The following PARVG variants were observed in gnomAD, a reference collection of about 807,000 sequenced individuals.
The protein encoded by PARVG is parvin gamma, also known as gamma-parvin.
Under a neutral mutation model 44.4 loss-of-function variants are expected in PARVG, and 36 were observed. The ratio of observed to expected loss-of-function variants is 0.81; its 90% CI spans 0.62 to 1.07. The LOEUF (loss-of-function observed/expected upper bound fraction) is 1.07, where lower values mean the gene tolerates loss of function less well. Ranked by LOEUF, PARVG falls within the 50% of genes least tolerant of loss-of-function variation. The pLI, the probability that PARVG is intolerant of heterozygous loss-of-function variation, is 0.00. For synonymous variants in PARVG, 170 were observed against 174.1 expected, an observed-to-expected ratio of 0.98 and a Z score of 0.19; for missense variants, 407 against 407.4, an observed-to-expected ratio of 1.00 and a Z score of 0.01.
At chr22:44,204,106 A>G (rs972794416) in intron 12 of PARVG, among the ~76,000 whole-genome samples, 10 of 152,118 alleles carry the variant, frequency 6.6e-5, no homozygotes, top group Non-Finnish European at 1.3e-4. Flanking sequence ...TGGCCTCTCA[A>G]AGTGCTGGGA....
chr22:44,183,070 G>A (rs868182296), intron 2 of PARVG: 18 of 497,526 alleles, frequency 3.6e-5, no homozygotes, highest in Non-Finnish European at 6.0e-5. Context: ...CACTTCCTCC[G>A]CCAAGCCTTT....
intron 12 of PARVG, among the ~76,000 whole-genome samples, chr22:44,200,923 G>C (rs1016439633): frequency 6.6e-6 from 1 of 151,412 alleles, no homozygotes; most frequent in African/African-American, 2.4e-5. Context: ...CCTCTCCCCT[G>C]CTTCAAGTGG....
At chr22:44,205,946 G>A in intron 13 of PARVG, 117 bp downstream of exon 13, 1 of 1,240,490 alleles carries the variant, frequency 8.1e-7, no homozygotes, top group Non-Finnish European at 1.1e-6. Flanking sequence ...GAGTCCTCTT[G>A]CCTGGCAGGG....
chr22:44,183,840 A>T (rs1173714383), intron 3 of PARVG: 3 of 390,612 alleles, frequency 7.7e-6, no homozygotes, highest in Non-Finnish European at 1.4e-5. Flanking sequence ...GAGCCCAAGG[A>T]GGGTGGTCCC....
chr22:44,190,532 G>T lies in PARVG; in HGVS notation c.389-19G>T. On this transcript the variant is annotated intron_variant, in intron 6 of 13. Transcript: ENST00000444313. ...TTGGCGGCCTCCTGGGCTCTGACCT[G>T]TCTCCACTCTCTTCCCAGGCATCTT... 6.2e-7 allele frequency: 1 copy of T among 1,601,990 alleles called. No homozygotes were observed.
chr22:44,195,589 G>T (rs924296284), intron 9 of PARVG, among the ~76,000 whole-genome samples: 2 of 152,264 alleles, frequency 1.3e-5, no homozygotes, highest in African/African-American at 4.8e-5. Context: ...GAGTGACTGA[G>T]TTGCTGAAGA....
chr22:44,191,388 ATTTTTTTTTTTTTTTTT>A (rs35954868), intron 7 of PARVG, among the ~76,000 whole-genome samples: 1 of 63,470 alleles, frequency 1.6e-5, no homozygotes, highest in Non-Finnish European at 2.8e-5. Context: ...AGTCATTTCT[ATTTTTTTTTTTTTTTTT>A]TTTTTTTTTT....
intron 12 of PARVG, among the ~76,000 whole-genome samples, chr22:44,198,961 T>TCCATCCATCCACCCACCCACCCAC (rs1569186535): frequency 1.4e-5 from 1 of 73,564 alleles, no homozygotes; most frequent in Non-Finnish European, 3.5e-5. Context: ...CATCCATCCA[T>TCCATCCATCCACCCACCCACCCAC]CCATCCATCC....
chr22:44,193,374 A>G (rs911502381), intron 8 of PARVG, among the ~76,000 whole-genome samples: 15 of 152,206 alleles, frequency 9.9e-5, no homozygotes, highest in Non-Finnish European at 1.9e-4. Context: ...AGCTGTGGTC[A>G]GCGTAGGGAG....
intron 7 of PARVG, among the ~76,000 whole-genome samples, chr22:44,191,502 A>T (rs988084871): frequency 7.2e-6 from 1 of 138,734 alleles, no homozygotes; most frequent in African/African-American, 2.7e-5. Flanking sequence ...AGCTCAAGTG[A>T]TCCTCCCACC....
intron 10 of PARVG, 64 bp downstream of exon 10, chr22:44,196,277 C>T (rs1242885842): frequency 1.2e-6 from 2 of 1,612,326 alleles, no homozygotes; most frequent in African/African-American, 1.3e-5. Flanking sequence ...CCCACCTGCG[C>T]TGTAGGAGGG....
At chr22:44,190,250 T>C (rs990709378) in intron 6 of PARVG, among the ~76,000 whole-genome samples, 2 of 152,234 alleles carry the variant, frequency 1.3e-5, no homozygotes, top group African/African-American at 2.4e-5. Flanking sequence ...AGCCAGTGCC[T>C]TCCCAGAGGT....
upstream of PARVG, among the ~76,000 whole-genome samples, chr22:44,176,663 A>G (rs1438168770): frequency 1.3e-5 from 2 of 150,682 alleles, no homozygotes; most frequent in African/African-American, 4.9e-5. Context: ...TTCTTTTAAC[A>G]TTTTACTTTT....
In PARVG at chr22:44,206,488, A is replaced by T; in HGVS notation, c.*62A>T. The T allele has an allele frequency of 6.9e-7, 1 of 1,455,062 alleles. No homozygotes were observed. The highest frequency in any genetic ancestry group is 9.6e-7 in the Non-Finnish European group (1 of 1,036,920). The allele number at this position is 1,455,062 out of a possible 1,614,324, so 90.1% of individuals were successfully genotyped here. ...GCCCAGCTGGAGGGCCCGAGGCTGC[A>T]GGGTGTCCTCCCACAGTCCCGCTGT... On this transcript the variant is annotated 3_prime_UTR_variant, in exon 14 of 14. Transcript: ENST00000444313.
At chr22:44,201,536 C>T (rs865989953) in intron 12 of PARVG, among the ~76,000 whole-genome samples, 1 of 152,176 alleles carries the variant, frequency 6.6e-6, no homozygotes, top group African/African-American at 2.4e-5. Context: ...GTCAGAGCAA[C>T]GAGGCCGGGG....
At chr22:44,189,349 C>A in intron 6 of PARVG, 95 bp downstream of exon 6, 1 of 1,514,256 alleles carries the variant, frequency 6.6e-7, no homozygotes, top group Non-Finnish European at 8.9e-7. Flanking sequence ...GCGCACTCAT[C>A]CTTCTCCCAG....
At position 44,182,114 on chromosome 22, in the gene PARVG, C is replaced by T. The variant is rs1013613361; in HGVS notation, c.-13+197C>T. Among the ~76,000 whole-genome samples, 1 of 152,216 alleles carries T rather than the reference C, an allele frequency of 6.6e-6. No homozygotes were observed. Among genetic ancestry groups the T allele is most frequent in the African/African-American group, 2.4e-5 (1 of 41,450 alleles). On this transcript the variant is annotated intron_variant, in intron 2 of 13. Transcript: ENST00000444313. The surrounding 1 kb of genome is among the most constrained non-coding windows in gnomAD (Gnocchi z 4.6). ...CAGAGGCTGCTCGGCGTCCTCCCTCCCTGTTCTACTGAGGAGTTGCCGCCT... is the reference window on the plus strand; with the variant it reads ...CAGAGGCTGCTCGGCGTCCTCCCTCTCTGTTCTACTGAGGAGTTGCCGCCT...
rs375768996 is a variant in PARVG, at chr22:44,189,203, G to T, written c.337G>T (p.Val113Leu). The T allele has an allele frequency of 2.5e-6, 4 of 1,614,122 alleles. No homozygotes were observed. In the African/African-American group the frequency reaches 5.3e-5, roughly 22 times the overall value. ...KHKLTVVLEAVNRSLQLEEWQ... is the reference protein window; with the variant it reads ...KHKLTVVLEALNRSLQLEEWQ... ...CAAGCTCACAGTGGTGCTGGAGGCC[G>T]TGAACCGGAGTCTGCAGCTGGAGGA... The change falls in exon 6 of 14, where the codon GTG (valine) becomes TTG (leucine). Residue 113 changes from valine (V) to leucine (L), a missense_variant. Coordinates refer to ENST00000444313, the MANE Select transcript of PARVG (RefSeq NM_022141.7).
At chr22:44,183,025 G>T in intron 2 of PARVG, 1 of 412,264 alleles carries the variant, frequency 2.4e-6, no homozygotes. Flanking sequence ...CAGGAGCACG[G>T]TGGGCGGCCG....
Sources: allele counts gnomAD v4.1 joint callset (sites outside exome capture counted in the v4.1 genomes callset), GRCh38; gene constraint gnomAD v4.1.1; non-coding constraint Gnocchi (gnomAD v3.1); transcripts MANE v1.5; gene names NCBI Gene and HGNC (gene_info 2026-07-23, HGNC 2026-07-21).